The following GAS2L3 variants were observed in gnomAD, a reference collection of about 807,000 sequenced individuals.
GAS2L3 encodes the protein GAS2-like protein 3.
Under a neutral mutation model 37.0 loss-of-function variants are expected in GAS2L3, and 28 were observed. The observed-to-expected ratio is 0.76, with a 90% CI of 0.56 to 1.04. The LOEUF is 1.04. Among genes scored for constraint, GAS2L3 ranks in the 50% least tolerant of loss-of-function variants. The pLI is 0.00. For missense variants in GAS2L3, 793 were observed against 817.6 expected, an observed-to-expected ratio of 0.97 and a Z score of 0.37; for synonymous variants, 290 against 296.6, an observed-to-expected ratio of 0.98 and a Z score of 0.23.
At chr12:100,583,297 G>T (rs1380069188) in intron 1 of GAS2L3, among the ~76,000 whole-genome samples, 1 of 152,202 alleles carries the variant, frequency 6.6e-6, no homozygotes, top group African/African-American at 2.4e-5. Flanking sequence ...AGGTTCTGAG[G>T]ATTAGGATGT....
In GAS2L3 at chr12:100,575,326, C is replaced by T. The variant is rs1341948420; in HGVS notation, c.-152+1541C>T. Among the ~76,000 whole-genome samples the T allele has an allele frequency of 6.6e-5, 10 of 152,058 alleles. No individual in the cohort carries two copies. In the East Asian group the frequency reaches 1.9e-3, roughly 29 times the overall value. On this transcript the variant is annotated intron_variant, in intron 1 of 9. Coordinates refer to ENST00000547754, the MANE Select transcript of GAS2L3 (RefSeq NM_174942.3). Reference sequence around the variant, plus strand: ...ATTATTGTTTATTGACTAAATTATACATGTAAAGCATTTAAAACAGTATCT... The same window carrying T: ...ATTATTGTTTATTGACTAAATTATATATGTAAAGCATTTAAAACAGTATCT...
intron 1 of GAS2L3, among the ~76,000 whole-genome samples, chr12:100,581,601 G>C (rs899308784): frequency 6.6e-6 from 1 of 152,178 alleles, no homozygotes; most frequent in African/African-American, 2.4e-5. Context: ...GGTTTTGTTT[G>C]CACTAAAATG....
intron 1 of GAS2L3, chr12:100,578,832 C>A: frequency 2.9e-6 from 2 of 693,904 alleles, no homozygotes; most frequent in Non-Finnish European, 5.4e-6. Flanking sequence ...ACACGTAGAA[C>A]CCATACCCAT....
At chr12:100,620,011 CTTAGTGTTTACTG>C (rs1411859658) in intron 8 of GAS2L3, among the ~76,000 whole-genome samples, 1 of 151,866 alleles carries the variant, frequency 6.6e-6, no homozygotes, top group Non-Finnish European at 1.5e-5. Flanking sequence ...GCAAACTGTA[CTTAGTGTTTACTG>C]TTGGCAATGG....
intron 1 of GAS2L3, chr12:100,579,632 T>C (rs1362428201): frequency 1.3e-6 from 1 of 776,592 alleles, no homozygotes; most frequent in Non-Finnish European, 2.4e-6. Flanking sequence ...ATGTTAGAAA[T>C]GTCTTAGTTC....
chr12:100,597,143 T>TA (rs1006173744), intron 3 of GAS2L3, among the ~76,000 whole-genome samples: 1 of 151,978 alleles, frequency 6.6e-6, no homozygotes, highest in African/African-American at 2.4e-5. Flanking sequence ...TACATGATTT[T>TA]AAAAAAACCA....
At chr12:100,586,025 CTCTT>C (rs962446569) in intron 1 of GAS2L3, among the ~76,000 whole-genome samples, 2 of 152,184 alleles carry the variant, frequency 1.3e-5, no homozygotes, top group African/African-American at 4.8e-5. Flanking sequence ...CCCTTTCTCT[CTCTT>C]CCTCGGATTT....
intron 3 of GAS2L3, among the ~76,000 whole-genome samples, chr12:100,595,746 A>G (rs1593170050): frequency 6.6e-6 from 1 of 151,898 alleles, no homozygotes; most frequent in Non-Finnish European, 1.5e-5. Flanking sequence ...CCTTACCTCT[A>G]TGGTGAGGAT....
rs1005749689 is a variant in GAS2L3, at chr12:100,623,682, T to C, written c.877T>C (p.Leu293=). ...LQFATLEQKI[L]AFQKGVSNES... Reference sequence around the variant, plus strand: ...GTTTGCCACATTAGAACAAAAAATTTTAGCATTTCAAAAAGGAGTTTCTAA... The same window carrying C: ...GTTTGCCACATTAGAACAAAAAATTCTAGCATTTCAAAAAGGAGTTTCTAA... The change falls in exon 10 of 10, where the codon TTA becomes CTA. Residue 293 remains leucine, a synonymous_variant. Transcript: ENST00000547754. 19 of 1,614,002 alleles carry C rather than the reference T, an allele frequency of 1.2e-5. No homozygotes were observed. Among genetic ancestry groups the C allele is most frequent in the Non-Finnish European group, 1.4e-5 (17 of 1,180,002 alleles).
intron 1 of GAS2L3, among the ~76,000 whole-genome samples, chr12:100,588,921 C>A (rs987767591): frequency 3.3e-5 from 5 of 152,082 alleles, no homozygotes; most frequent in Admixed American, 6.6e-5. Flanking sequence ...TTCCCTTGTT[C>A]CATAAAAATC....
chr12:100,614,159 TGCACGTAAAATTTACTATCTTAGGCTG>T (rs1956159704), intron 6 of GAS2L3, among the ~76,000 whole-genome samples: 1 of 152,160 alleles, frequency 6.6e-6, no homozygotes. Context: ...TGTATTAAAA[TGCACGTAAAATTTACTATCTTAGGCTG>T]GGCGCATTGG....
chr12:100,626,699 T>A lies in GAS2L3; in HGVS notation c.*1809T>A, dbSNP rs1248098319. 1 of 152,224 alleles carries A rather than the reference T, an allele frequency of 6.6e-6. No individual in the cohort carries two copies. Among genetic ancestry groups the A allele is most frequent in the Non-Finnish European group, 1.5e-5 (1 of 68,036 alleles). 9.4% of individuals were successfully genotyped at this position (152,224 alleles called of 1,614,324 possible). On this transcript the variant is annotated 3_prime_UTR_variant, in exon 10 of 10. Coordinates refer to ENST00000547754, the MANE Select transcript of GAS2L3 (RefSeq NM_174942.3). ...GCAATTTATGAATCCTAGTAGATTTTACAATATGTAATTTATGTTGTTTAC... is the reference window on the plus strand; with the variant it reads ...GCAATTTATGAATCCTAGTAGATTTAACAATATGTAATTTATGTTGTTTAC...
In GAS2L3 at chr12:100,626,317, T is replaced by A. The variant is rs1956331858; in HGVS notation, c.*1427T>A. On this transcript the variant is annotated 3_prime_UTR_variant, in exon 10 of 10. Coordinates refer to ENST00000547754, the MANE Select transcript of GAS2L3 (RefSeq NM_174942.3). ...TCTATAGATTACAAAGCAAGAAAACTTTCTATGAAGATAAATGACCTTTTG... is the reference window on the plus strand; with the variant it reads ...TCTATAGATTACAAAGCAAGAAAACATTCTATGAAGATAAATGACCTTTTG... 1 of 152,212 alleles carries A rather than the reference T, an allele frequency of 6.6e-6. No homozygotes were observed. Among genetic ancestry groups the A allele is most frequent in the African/African-American group, 2.4e-5 (1 of 41,466 alleles). The allele number at this position is 152,212 out of a possible 1,614,324, so 9.4% of individuals were successfully genotyped here.
chr12:100,612,970 G>A (rs944293121), intron 6 of GAS2L3, among the ~76,000 whole-genome samples: 43 of 152,286 alleles, frequency 2.8e-4, no homozygotes, highest in Non-Finnish European at 4.9e-4. Flanking sequence ...CCCTCACACA[G>A]GGTAAGCGGC....
At position 100,590,937 on chromosome 12, in the gene GAS2L3, G is replaced by A. The variant is rs1054187603; in HGVS notation, c.-151-799G>A. Among the ~76,000 whole-genome samples, 3 of 151,340 alleles carry A rather than the reference G, an allele frequency of 2.0e-5. No individual in the cohort carries two copies. The East Asian group carries it at 5.9e-4, about 30-fold the overall frequency. ...GGACTTTGGGGACTTGGGGGGAAGA[G>A]TGGGAGGGGGGCAAGGGATAGAAGA... On this transcript the variant is annotated intron_variant, in intron 1 of 9. Coordinates refer to ENST00000547754, the MANE Select transcript of GAS2L3 (RefSeq NM_174942.3).
At chr12:100,593,280 A>C (rs778168011) in intron 2 of GAS2L3, among the ~76,000 whole-genome samples, 1 of 152,132 alleles carries the variant, frequency 6.6e-6, no homozygotes, top group Non-Finnish European at 1.5e-5. Context: ...ACTTCTCTGC[A>C]TACTATTTTT....
chr12:100,600,085 G>A (rs1460558533), intron 3 of GAS2L3, among the ~76,000 whole-genome samples: 2 of 152,080 alleles, frequency 1.3e-5, no homozygotes, highest in African/African-American at 2.4e-5. Flanking sequence ...AACTTAGCTG[G>A]GTGTGGTGGC....
chr12:100,603,471 TTTTA>T (rs1956018022), intron 5 of GAS2L3, among the ~76,000 whole-genome samples: 1 of 152,214 alleles, frequency 6.6e-6, no homozygotes, highest in African/African-American at 2.4e-5. Flanking sequence ...TTTTGCCCAT[TTTTA>T]AATTGGATTA....
intron 6 of GAS2L3, 40 bp downstream of exon 6, chr12:100,612,181 T>G (rs377307646): frequency 7.0e-5 from 109 of 1,565,764 alleles, no homozygotes; most frequent in Non-Finnish European, 8.9e-5. Context: ...TAATGCTTAC[T>G]AGGATGTTTT....
Sources: gnomAD v4.1 joint callset for allele counts (sites outside exome capture counted in the v4.1 genomes callset) on GRCh38, gnomAD v4.1.1 for gene constraint, MANE v1.5 for transcripts, NCBI Gene and HGNC (gene_info 2026-07-23, HGNC 2026-07-21) for gene names.